The following MRPS25 variants were observed in gnomAD, a reference collection of about 807,000 sequenced individuals.
MRPS25 encodes mitochondrial ribosomal protein S25.
Under a neutral mutation model 17.3 loss-of-function variants are expected in MRPS25, and 15 were observed. The observed-to-expected ratio is 0.87, with a 90% CI of 0.58 to 1.34. MRPS25 has a LOEUF of 1.34. Among genes scored for constraint, MRPS25 ranks in the 40% most tolerant of loss-of-function variants. The pLI is 0.00. For missense variants in MRPS25, 225 were observed against 218.6 expected, an observed-to-expected ratio of 1.03 and a Z score of -0.19; for synonymous variants, 94 against 83.3, an observed-to-expected ratio of 1.13 and a Z score of -0.70.
At position 15,050,470 on chromosome 3, in the gene MRPS25, CTAG is replaced by C; in HGVS notation, c.*1968_*1970del. 1.0e-6 allele frequency: 1 copy of C among 984,576 alleles called. No homozygotes were observed. The highest frequency in any genetic ancestry group is 1.2e-6 in the Non-Finnish European group (1 of 829,930). The allele number at this position is 984,576 out of a possible 1,614,324, so 61.0% of individuals were successfully genotyped here. A position where few individuals can be genotyped will look rare whatever the true frequency, so the allele number is the denominator to read the frequency against. The stretch of plus-strand genomic sequence containing the variant: ...TACTCTCATAAGGCTTTGTGTGTCA[CTAG>C]CTATGGAGACCTACACTGCAGATGA... On this transcript the variant is annotated 3_prime_UTR_variant, in exon 4 of 4. Coordinates refer to ENST00000253686, the MANE Select transcript of MRPS25 (RefSeq NM_022497.5).
At chr3:15,052,894 A>G (rs1408867729) in intron 3 of MRPS25, among the ~76,000 whole-genome samples, 1 of 152,208 alleles carries the variant, frequency 6.6e-6, no homozygotes, top group Non-Finnish European at 1.5e-5. Context: ...CCACAGGTGG[A>G]GCCCACAGCT....
In MRPS25 at chr3:15,053,465, A is replaced by G. The variant is rs759625679; in HGVS notation, c.244T>C (p.Ser82Pro). The G allele has an allele frequency of 1.5e-5, 25 of 1,614,100 alleles. No homozygotes were observed. In the Admixed American group the frequency reaches 4.0e-4, roughly 26 times the overall value. Reference sequence around the variant, plus strand: ...ACATCCACCAGGACCTGCTCCCCAGAATCTGGAAACGGAAAGCACGGGGCA... The same window carrying G: ...ACATCCACCAGGACCTGCTCCCCAGGATCTGGAAACGGAAAGCACGGGGCA... ...PSPFLRFYLDSGEQVLVDVET... is the reference protein window; with the variant it reads ...PSPFLRFYLDPGEQVLVDVET... The change falls in exon 3 of 4, where the codon TCT becomes CCT. Residue 82 changes from serine to proline, a missense_variant and splice_region_variant. Transcript: ENST00000253686.
At position 15,052,625 on chromosome 3, in the gene MRPS25, A is replaced by T. The variant is rs2042619723; in HGVS notation, c.338T>A (p.Leu113His). The T allele has an allele frequency of 6.2e-7, 1 of 1,613,700 alleles. No homozygotes were observed. The highest frequency in any genetic ancestry group is 8.5e-7 in the Non-Finnish European group (1 of 1,179,818). The change falls in exon 4 of 4, where the codon CTC becomes CAC. Residue 113 changes from leucine to histidine, a missense_variant. Leu to His is a moderately conservative substitution (Grantham distance 99, BLOSUM62 -3). Transcript: ENST00000253686. ...RKILGKNEET[L>H]REEEEEKKQL... Reference sequence around the variant, plus strand: ...CTTTTTCTCCTCCTCCTCTTCCCTGAGGGTTTCCCTGCCAAAGAGCACAGA... The same window carrying T: ...CTTTTTCTCCTCCTCCTCTTCCCTGTGGGTTTCCCTGCCAAAGAGCACAGA...
At chr3:15,046,404 T>C (rs574517841), downstream of MRPS25, 4 of 152,332 alleles carry the variant, frequency 2.6e-5, no homozygotes, top group African/African-American at 7.2e-5. Context: ...CACATACTTA[T>C]TAGCTGTCTT....
In MRPS25 at chr3:15,055,572, A is replaced by T. The variant is rs906096643; in HGVS notation, c.242-2105T>A. Among the ~76,000 whole-genome samples, 9 of 152,230 alleles carry T rather than the reference A, an allele frequency of 5.9e-5. No homozygotes were observed. The East Asian group carries it at 7.7e-4, about 13-fold the overall frequency. On this transcript the variant is annotated intron_variant, in intron 2 of 3. Coordinates refer to ENST00000253686, the MANE Select transcript of MRPS25 (RefSeq NM_022497.5). The stretch of plus-strand genomic sequence containing the variant: ...GTTAAGACAAAACACAAAAGATTGG[A>T]AAAGAAGTATAACTGTCTTTATTTG...
intron 2 of MRPS25, among the ~76,000 whole-genome samples, chr3:15,055,019 G>A (rs1190471445): frequency 6.6e-6 from 1 of 152,186 alleles, no homozygotes; most frequent in East Asian, 1.9e-4. Context: ...GGAGGCCTCA[G>A]GAAGCTTCCA....
chr3:15,052,814 AAAG>A (rs2042622329), intron 3 of MRPS25, among the ~76,000 whole-genome samples, 181 bp from the exon 4 acceptor site: 1 of 152,134 alleles, frequency 6.6e-6, no homozygotes, highest in South Asian at 2.1e-4. Flanking sequence ...GAGAGCGCTG[AAAG>A]AAGGCCTGCT....
chr3:15,059,364 C>T lies in MRPS25; in HGVS notation c.241+5G>A. The T allele has an allele frequency of 6.2e-7, 1 of 1,603,556 alleles. No individual in the cohort carries two copies. Among genetic ancestry groups the T allele is most frequent in the Non-Finnish European group, 8.5e-7 (1 of 1,170,702 alleles). ...CCCCTGGACCATGGCGAGGGCCCCA[C>T]TCACCTAAGTAGAATCGCAGGAAGG... On this transcript the variant is annotated splice_donor_5th_base_variant and intron_variant, in intron 2 of 3. Transcript: ENST00000253686.
intron 1 of MRPS25, among the ~76,000 whole-genome samples, chr3:15,063,348 G>A (rs2042805721): frequency 6.6e-6 from 1 of 152,148 alleles, no homozygotes; most frequent in Non-Finnish European, 1.5e-5. Context: ...ACTAAATAAG[G>A]CACCTTCCCA....
At chr3:15,064,934 AGCGCCGACCTGGGG>A (rs1559331458) in intron 1 of MRPS25, 113 bp downstream of exon 1, 2 of 1,238,988 alleles carry the variant, frequency 1.6e-6, no homozygotes, top group East Asian at 5.3e-5. Flanking sequence ...TGGGGGTAAC[AGCGCCGACCTGGGG>A]GGCCCGCCCC....
At position 15,053,379 on chromosome 3, in the gene MRPS25, C is replaced by G; in HGVS notation, c.329+1G>C. On this transcript the variant is annotated splice_donor_variant, in intron 3 of 3. Coordinates refer to ENST00000253686, the MANE Select transcript of MRPS25 (RefSeq NM_022497.5). LOFTEE classifies it high-confidence loss of function. ...CTTCCAGGTCAAACCAAACAACTCA[C>G]TCATTCTTCCCCAAGATTTTTCTGA... The G allele has an allele frequency of 6.2e-7, 1 of 1,614,200 alleles. No individual in the cohort carries two copies. The highest frequency in any genetic ancestry group is 8.5e-7 in the Non-Finnish European group (1 of 1,180,044).
At position 15,065,292 on chromosome 3, in the gene MRPS25, C is replaced by T. The variant is rs939550; in HGVS notation, c.-98G>A. On this transcript the variant is annotated 5_prime_UTR_variant, in exon 1 of 4. Transcript: ENST00000253686. Reference sequence around the variant, plus strand: ...CGCGCGGATCTCACGCGGCTTCTCCCCAGAGCCAGGTTCCACTTCCCGCGC... The same window carrying T: ...CGCGCGGATCTCACGCGGCTTCTCCTCAGAGCCAGGTTCCACTTCCCGCGC... 7.0e-7 allele frequency: 1 copy of T among 1,426,730 alleles called. No homozygotes were observed. Among genetic ancestry groups the T allele is most frequent in the Non-Finnish European group, 9.2e-7 (1 of 1,089,452 alleles). 88.4% of individuals were successfully genotyped at this position (1,426,730 alleles called of 1,614,324 possible).
rs193246327 is a variant in MRPS25 at position 15,051,193 on chromosome 3, T to A, written c.*1248A>T. The A allele has an allele frequency of 4.0e-3, 3,890 of 983,288 alleles. 17 individuals are homozygous for A. Among genetic ancestry groups the A allele is most frequent in the Middle Eastern group, 4.2e-3 (8 of 1,904 alleles). 60.9% of individuals were successfully genotyped at this position (983,288 alleles called of 1,614,324 possible). On this transcript the variant is annotated 3_prime_UTR_variant, in exon 4 of 4. Coordinates refer to ENST00000253686, the MANE Select transcript of MRPS25 (RefSeq NM_022497.5). Reference sequence around the variant, plus strand: ...TTTATAATTAAACTTATTTAAAAAATTTTTTTTCTTGAGACAGTCTTGCTC... The same window carrying A: ...TTTATAATTAAACTTATTTAAAAAAATTTTTTTCTTGAGACAGTCTTGCTC...
chr3:15,052,210 C>G lies in MRPS25; in HGVS notation c.*231G>C. The G allele has an allele frequency of 7.9e-7, 1 of 1,266,634 alleles. No individual in the cohort carries two copies. Among genetic ancestry groups the G allele is most frequent in the Non-Finnish European group, 9.9e-7 (1 of 1,006,186 alleles). The allele number at this position is 1,266,634 out of a possible 1,614,324, so 78.5% of individuals were successfully genotyped here. A position where few individuals can be genotyped will look rare whatever the true frequency, so the allele number is the denominator to read the frequency against. ...CTAGGACCAGATACACGCCAAGCTG[C>G]TATTAGGAAGCGTTTTATTGACCAG... On this transcript the variant is annotated 3_prime_UTR_variant, in exon 4 of 4. Transcript: ENST00000253686.
Position 15,053,361 on chromosome 3 carries a change from G to A in MRPS25, c.329+19C>T, listed in dbSNP as rs2042630363. ...GGGCTGAGAAGTTTGTTCCTTCCAG[G>A]TCAAACCAAACAACTCACTCATTCT... On this transcript the variant is annotated intron_variant, in intron 3 of 3. Coordinates refer to ENST00000253686, the MANE Select transcript of MRPS25 (RefSeq NM_022497.5). The A allele has an allele frequency of 1.2e-6, 2 of 1,613,910 alleles. No homozygotes were observed. The highest frequency in any genetic ancestry group is 1.7e-6 in the Non-Finnish European group (2 of 1,180,026).
chr3:15,042,995 G>C, downstream of MRPS25: 1 of 1,614,038 alleles, frequency 6.2e-7, no homozygotes, highest in Non-Finnish European at 8.5e-7. Context: ...CAGATCACCG[G>C]AGCCAGTCTA....
At chr3:15,053,269 G>T in intron 3 of MRPS25, 111 bp downstream of exon 3, 1 of 1,547,640 alleles carries the variant, frequency 6.5e-7, no homozygotes, top group East Asian at 2.4e-5. Flanking sequence ...AGTGTCTGGC[G>T]TTCACTGTCA....
chr3:15,061,545 T>C (rs1201596821), intron 1 of MRPS25, among the ~76,000 whole-genome samples: 1 of 152,194 alleles, frequency 6.6e-6, no homozygotes, highest in Non-Finnish European at 1.5e-5. Flanking sequence ...TGGAGTGCAG[T>C]GGCATGATCT....
downstream of MRPS25, chr3:15,045,605 T>TTAA (rs1276509457): frequency 2.0e-5 from 3 of 152,694 alleles, no homozygotes; most frequent in Non-Finnish European, 4.4e-5. Flanking sequence ...TTCTTGCTGC[T>TTAA]TTAACTCATT....
Sources: gnomAD v4.1 joint callset for allele counts (sites outside exome capture counted in the v4.1 genomes callset) on GRCh38, gnomAD v4.1.1 for gene constraint, MANE v1.5 for transcripts, NCBI Gene and HGNC (gene_info 2026-07-23, HGNC 2026-07-21) for gene names.